The following MANEA variants were observed in gnomAD, a reference collection of about 807,000 sequenced individuals.
The protein encoded by MANEA is glycoprotein endo-alpha-1,2-mannosidase.
MANEA carries 25 observed loss-of-function variants against 36.8 expected under a neutral mutation model. The observed-to-expected ratio is 0.68, with a 90% CI of 0.50 to 0.95. MANEA has a LOEUF of 0.95. MANEA is among the 40% of genes least tolerant of loss of function. The pLI is 0.00. For synonymous variants in MANEA, 198 were observed against 188.5 expected (o/e 1.05, Z -0.41); for missense variants, 565 against 558.8 (o/e 1.01, Z -0.11).
In MANEA at chr6:95,577,572, C is replaced by G. The variant is rs1582215245; in HGVS notation, c.-105C>G. Reference sequence around the variant, plus strand: ...GGGCTCGGGGCGCGGCGGCAGTCAGCTCTATGTTCGCGGTCTTAACCTCTC... The same window carrying G: ...GGGCTCGGGGCGCGGCGGCAGTCAGGTCTATGTTCGCGGTCTTAACCTCTC... On this transcript the variant is annotated 5_prime_UTR_variant, in exon 1 of 5. Coordinates refer to ENST00000358812, the MANE Select transcript of MANEA (RefSeq NM_024641.4). 6.6e-6 allele frequency: 1 copy of G among 152,570 alleles called. No individual in the cohort carries two copies. Among genetic ancestry groups the G allele is most frequent in the East Asian group, 1.9e-4 (1 of 5,192 alleles). The allele number at this position is 152,570 out of a possible 1,614,324, so 9.5% of individuals were successfully genotyped here. A position where few individuals can be genotyped will look rare whatever the true frequency, so the allele number is the denominator to read the frequency against.
chr6:95,589,695 A>G (rs1769351364), intron 2 of MANEA, among the ~76,000 whole-genome samples: 1 of 152,144 alleles, frequency 6.6e-6, no homozygotes, highest in Non-Finnish European at 1.5e-5. Flanking sequence ...AAAGTAACAG[A>G]TGAATGCCTT....
Position 95,586,828 on chromosome 6 carries a change from AT to A in MANEA, c.391del (p.Trp131GlyfsTer5), listed in dbSNP as rs752203188. The A allele has an allele frequency of 6.2e-6, 10 of 1,614,040 alleles. No homozygotes were observed. Among genetic ancestry groups the A allele is most frequent in the Non-Finnish European group, 5.1e-6 (6 of 1,179,934 alleles). ...CATTGGAATCATCCAGTGTTAGAGC[AT>A]TGGGACCCTAGAATAGCCAAGAATT... ...YIHWNHPVLEHWDPRIAKNYP... is the reference protein window; with the variant it reads ...YIHWNHPVLEXWDPRIAKNYP... On this transcript the variant is annotated frameshift_variant, in exon 2 of 5. Transcript: ENST00000358812. LOFTEE classifies it high-confidence loss of function.
At chr6:95,603,982 T>A (rs773798370) in intron 3 of MANEA, among the ~76,000 whole-genome samples, 10 of 151,862 alleles carry the variant, frequency 6.6e-5, no homozygotes. Flanking sequence ...CACAGTATTT[T>A]AAAAATATTT....
At chr6:95,578,438 G>T (rs937895697) in intron 1 of MANEA, among the ~76,000 whole-genome samples, 2 of 152,082 alleles carry the variant, frequency 1.3e-5, no homozygotes, top group Non-Finnish European at 2.9e-5. Context: ...AAGAAAAATG[G>T]GACTGGAATA....
At chr6:95,601,716 A>ATTTTT (rs67335804) in intron 3 of MANEA, among the ~76,000 whole-genome samples, 6 of 64,992 alleles carry the variant, frequency 9.2e-5, no homozygotes, top group African/African-American at 1.3e-4. Flanking sequence ...AGATTCAGTG[A>ATTTTT]TTTTTTTTTT....
rs770063555 is a variant in MANEA at position 95,596,729 on chromosome 6, T to A, written c.545-8T>A. The A allele has an allele frequency of 6.8e-7, 1 of 1,481,398 alleles. No homozygotes were observed. Among genetic ancestry groups the A allele is most frequent in the African/African-American group, 1.4e-5 (1 of 72,290 alleles). The allele number at this position is 1,481,398 out of a possible 1,614,324, so 91.8% of individuals were successfully genotyped here. A position where few individuals can be genotyped will look rare whatever the true frequency, so the allele number is the denominator to read the frequency against. On this transcript the variant is annotated splice_region_variant and splice_polypyrimidine_tract_variant and intron_variant, in intron 2 of 4. Transcript: ENST00000358812. Reference sequence around the variant, plus strand: ...TCTTTTCCCTTTCTTTTTGGTCTTTTCTATTAGGTGTACTAGCCCTCTCTT... The same window carrying A: ...TCTTTTCCCTTTCTTTTTGGTCTTTACTATTAGGTGTACTAGCCCTCTCTT...
chr6:95,605,303 C>T (rs548880184), intron 4 of MANEA, among the ~76,000 whole-genome samples: 5 of 152,088 alleles, frequency 3.3e-5, no homozygotes, highest in African/African-American at 7.2e-5. Context: ...TATATCTAGC[C>T]TGATCAAAAA....
rs201315897 is a variant in MANEA at position 95,586,975 on chromosome 6, C to T, written c.536C>T (p.Ala179Val). ...IETHMRQMRSASIGVLALSWY... is the reference protein window; with the variant it reads ...IETHMRQMRSVSIGVLALSWY... ...ACTCACATGAGACAAATGCGCTCAG[C>T]TTCAATTGGTAATTATTGTATATAT... Residue 179 changes from alanine (A) to valine (V), a missense_variant, in exon 2 of 5, where the codon GCT becomes GTT. Transcript: ENST00000358812. 77 of 1,578,912 alleles carry T rather than the reference C, an allele frequency of 4.9e-5. No homozygotes were observed. Among genetic ancestry groups the T allele is most frequent in the Non-Finnish European group, 6.7e-5 (77 of 1,152,294 alleles).
chr6:95,602,848 G>T (rs972093200), intron 3 of MANEA, among the ~76,000 whole-genome samples: 2 of 149,376 alleles, frequency 1.3e-5, no homozygotes, highest in Non-Finnish European at 3.0e-5. Flanking sequence ...GTGAAACCCC[G>T]TCTCTACTAA....
Position 95,586,748 on chromosome 6 carries a change from A to G in MANEA, c.309A>G (p.Leu103=). The change falls in exon 2 of 5, where the codon CTA becomes CTG. Residue 103 remains leucine, a synonymous_variant. Transcript: ENST00000358812. ...LDELPPLNNY[L]HVFYYSWYGN... ...AACTACCACCTCTGAACAATTATCT[A>G]CATGTATTTTATTACAGTTGGTATG... is the stretch of plus-strand genomic sequence containing the variant. 1 of 1,613,614 alleles carries G rather than the reference A, an allele frequency of 6.2e-7. No homozygotes were observed.
intron 1 of MANEA, among the ~76,000 whole-genome samples, chr6:95,581,409 A>T (rs895083434): frequency 6.6e-6 from 1 of 152,242 alleles, no homozygotes; most frequent in Admixed American, 6.5e-5. Flanking sequence ...AGAGAGAGAA[A>T]AAAAAACAGC....
intron 3 of MANEA, among the ~76,000 whole-genome samples, chr6:95,603,501 A>G (rs2127945438): frequency 6.6e-6 from 1 of 152,224 alleles, no homozygotes; most frequent in South Asian, 2.1e-4. Flanking sequence ...ACAGAAACTT[A>G]CTTTTATAAT....
intron 2 of MANEA, 28 bp downstream of exon 2, chr6:95,587,011 GTT>G: frequency 1.5e-6 from 2 of 1,307,364 alleles, no homozygotes; most frequent in Non-Finnish European, 2.2e-6. Flanking sequence ...ATATATGTGT[GTT>G]TGTGTCTGTA....
rs67335804 is a variant in MANEA at position 95,601,716 on chromosome 6, A to ATTTTTTTTTTTTTTTT, written c.655-3098_655-3083dup. Among the ~76,000 whole-genome samples, 71 of 64,990 alleles carry ATTTTTTTTTTTTTTTT rather than the reference A, an allele frequency of 1.1e-3. 3 individuals carry two copies. The highest frequency in any genetic ancestry group is 1.3e-3 in the African/African-American group (20 of 15,770). 42.6% of individuals were successfully genotyped at this position (64,990 alleles called of 152,430 possible). A position where few individuals can be genotyped will look rare whatever the true frequency, so the allele number is the denominator to read the frequency against. On this transcript the variant is annotated intron_variant, in intron 3 of 4. Coordinates refer to ENST00000358812, the MANE Select transcript of MANEA (RefSeq NM_024641.4). ...AAAAGAAAATTAGGCAGATTCAGTG[A>ATTTTTTTTTTTTTTTT]TTTTTTTTTTTTTTTTTTTTTTTTT...
At chr6:95,578,875 G>T (rs1010482582) in intron 1 of MANEA, among the ~76,000 whole-genome samples, 8 of 152,114 alleles carry the variant, frequency 5.3e-5, no homozygotes, top group African/African-American at 1.9e-4. Context: ...AAAAATAACT[G>T]GTGTATCCTC....
chr6:95,592,092 A>C lies in MANEA; in HGVS notation c.545-4645A>C, dbSNP rs1228572127. Among the ~76,000 whole-genome samples the C allele has an allele frequency of 7.2e-5, 11 of 152,266 alleles. No homozygotes were observed. In the East Asian group the frequency reaches 2.1e-3, roughly 29 times the overall value. On this transcript the variant is annotated intron_variant, in intron 2 of 4. Coordinates refer to ENST00000358812, the MANE Select transcript of MANEA (RefSeq NM_024641.4). ...TATTTATCTCGCAACTGTTAAATGC[A>C]TTGTTCTATTGTTTTCCCCAGTCTT...
intron 3 of MANEA, 108 bp downstream of exon 3, chr6:95,596,954 G>A: frequency 7.8e-6 from 4 of 511,768 alleles, no homozygotes; most frequent in South Asian, 3.9e-5. Context: ...TAATGACTTA[G>A]AATCTTTTAA....
chr6:95,605,919 C>G lies in MANEA; in HGVS notation c.903C>G (p.Ala301=). The change falls in exon 5 of 5, where the codon GCC becomes GCG. Residue 301 remains alanine (A), a synonymous_variant. Transcript: ENST00000358812. ...CTCCTTATGATGGACTGTTTATTGC[C>G]CTTCTGGTAGAAGAAAAACATAAGT... ...RNSPYDGLFI[A]LLVEEKHKYD... 6.2e-7 allele frequency: 1 copy of G among 1,613,816 alleles called. No homozygotes were observed. Among genetic ancestry groups the G allele is most frequent in the Non-Finnish European group, 8.5e-7 (1 of 1,179,916 alleles).
At position 95,601,716 on chromosome 6, in the gene MANEA, A is replaced by ATTTTTTTTTTTTTTTTTTTTTTTTTT. The variant is rs67335804; in HGVS notation, c.655-3108_655-3083dup. Among the ~76,000 whole-genome samples, 61 of 64,994 alleles carry ATTTTTTTTTTTTTTTTTTTTTTTTTT rather than the reference A, an allele frequency of 9.4e-4. 4 individuals carry two copies. Among genetic ancestry groups the ATTTTTTTTTTTTTTTTTTTTTTTTTT allele is most frequent in the Non-Finnish European group, 1.2e-3 (44 of 37,296 alleles). 42.6% of individuals were successfully genotyped at this position (64,994 alleles called of 152,430 possible). On this transcript the variant is annotated intron_variant, in intron 3 of 4. Coordinates refer to ENST00000358812, the MANE Select transcript of MANEA (RefSeq NM_024641.4). ...AAAAGAAAATTAGGCAGATTCAGTG[A>ATTTTTTTTTTTTTTTTTTTTTTTTTT]TTTTTTTTTTTTTTTTTTTTTTTTT...
Sources: gnomAD v4.1 joint callset for allele counts (sites outside exome capture counted in the v4.1 genomes callset) on GRCh38, gnomAD v4.1.1 for gene constraint, MANE v1.5 for transcripts, NCBI Gene and HGNC (gene_info 2026-07-23, HGNC 2026-07-21) for gene names.